The following CCDC102B variants were observed in gnomAD, a reference collection of about 807,000 sequenced individuals.
The protein encoded by CCDC102B is coiled-coil domain containing 102B.
Under a neutral mutation model 57.4 loss-of-function variants are expected in CCDC102B, and 75 were observed. That is an observed-to-expected ratio of 1.31 (90% confidence interval 1.08 to 1.58). CCDC102B has a LOEUF of 1.58. Ranked by LOEUF, CCDC102B falls within the 40% of genes most tolerant of loss-of-function variation. The pLI is 0.00. For missense variants in CCDC102B, 636 were observed against 582.6 expected (o/e 1.09, Z -0.94); for synonymous variants, 206 against 201.9 (o/e 1.02, Z -0.17).
At chr18:68,812,449 A>G (rs1182142968) in intron 1 of CCDC102B, among the ~76,000 whole-genome samples, 1 of 152,318 alleles carries the variant, frequency 6.6e-6, no homozygotes, top group East Asian at 1.9e-4. Flanking sequence ...TATGGTCATT[A>G]TAAAGCAATA....
Position 68,979,085 on chromosome 18 carries a change from T to A in CCDC102B, c.1264-31849T>A, listed in dbSNP as rs771938338. On this transcript the variant is annotated intron_variant, in intron 6 of 7. Coordinates refer to ENST00000360242, the MANE Select transcript of CCDC102B (RefSeq NM_024781.3). The stretch of plus-strand genomic sequence containing the variant: ...GGTGAAGGGAAAGGCTGCAGTATCG[T>A]CTGTGCTGGCAACATTCTGTATTCT... Among the ~76,000 whole-genome samples, 13 of 152,160 alleles carry A rather than the reference T, an allele frequency of 8.5e-5. 1 individual carries two copies. The highest frequency in any genetic ancestry group is 4.1e-4 in the South Asian group (2 of 4,826).
chr18:68,789,494 C>T (rs1365039774), intron 2 of CCDC102B, among the ~76,000 whole-genome samples: 5 of 152,044 alleles, frequency 3.3e-5, no homozygotes, highest in Non-Finnish European at 5.9e-5. Flanking sequence ...GGTCTTTTCA[C>T]ATAGTCCCAT....
intron 4 of CCDC102B, among the ~76,000 whole-genome samples, chr18:68,869,031 G>A (rs1204986604): frequency 6.6e-6 from 1 of 152,110 alleles, no homozygotes. Context: ...AGAAGGAGAA[G>A]TTAAAGATTT....
At position 68,999,167 on chromosome 18, in the gene CCDC102B, G is replaced by GA. The variant is rs1245244936; in HGVS notation, c.1264-11760dup. On this transcript the variant is annotated intron_variant, in intron 6 of 7. Transcript: ENST00000360242. The stretch of plus-strand genomic sequence containing the variant: ...ATGTGAAGGAGCAATCATGGAAAGA[G>GA]AAAAAAACACTGGAGATGGATAAGT... 7.9e-5 allele frequency among the ~76,000 whole-genome samples: 12 copies of GA among 151,820 alleles called. No homozygotes were observed. The East Asian group carries it at 2.1e-3, about 27-fold the overall frequency.
At chr18:68,995,788 G>A (rs1173651311) in intron 6 of CCDC102B, among the ~76,000 whole-genome samples, 1 of 152,140 alleles carries the variant, frequency 6.6e-6, no homozygotes, top group African/African-American at 2.4e-5. Flanking sequence ...TAGTGGAGCT[G>A]TGAGAAGAGG....
At chr18:68,943,957 G>A (rs2049460429) in intron 6 of CCDC102B, among the ~76,000 whole-genome samples, 1 of 152,078 alleles carries the variant, frequency 6.6e-6, no homozygotes, top group Non-Finnish European at 1.5e-5. Flanking sequence ...ACCAGGTATG[G>A]GGCTCTAAAT....
chr18:68,738,993 C>CTTTTTTTTTTTTTTT lies in CCDC102B; in HGVS notation c.-67+22403_-67+22404insTTTTTTTTTTTTTTT, dbSNP rs201214278. Among the ~76,000 whole-genome samples the CTTTTTTTTTTTTTTT allele has an allele frequency of 4.4e-3, 637 of 144,894 alleles. 20 individuals carry two copies. Among genetic ancestry groups the CTTTTTTTTTTTTTTT allele is most frequent in the African/African-American group, 0.016 (599 of 37,868 alleles). On this transcript the variant is annotated intron_variant, in intron 2 of 3. Transcript: ENST00000578970. Reference sequence around the variant, plus strand: ...GGCCATTGGACTGTAGATGAGCAGCCTTTTGTTTTTTTTTTTTTTAGACCA... The same window carrying CTTTTTTTTTTTTTTT: ...GGCCATTGGACTGTAGATGAGCAGCCTTTTTTTTTTTTTTTTTTTGTTTTTTTTTTTTTTAGACCA...
intron 6 of CCDC102B, among the ~76,000 whole-genome samples, chr18:68,920,689 G>T (rs1044721411): frequency 1.3e-5 from 2 of 152,076 alleles, no homozygotes; most frequent in Non-Finnish European, 2.9e-5. Flanking sequence ...AATCATGGAG[G>T]AAGGCAAAGG....
upstream of CCDC102B, among the ~76,000 whole-genome samples, chr18:68,796,692 A>G (rs1329565102): frequency 6.6e-6 from 1 of 152,108 alleles, no homozygotes; most frequent in Non-Finnish European, 1.5e-5. Flanking sequence ...AAAAGAGGTC[A>G]AGAGGAAAAC....
chr18:68,822,929 T>C (rs889758101), intron 1 of CCDC102B, among the ~76,000 whole-genome samples: 19 of 152,116 alleles, frequency 1.2e-4, no homozygotes, highest in African/African-American at 4.6e-4. Flanking sequence ...AAACCTCACC[T>C]CTCTATGCCT....
rs5825872 is a variant in CCDC102B, at chr18:68,748,205, G to GGTGT, written c.-67+31660_-67+31663dup. Among the ~76,000 whole-genome samples the GGTGT allele has an allele frequency of 5.6e-3, 771 of 137,456 alleles. 10 individuals carry two copies. The highest frequency in any genetic ancestry group is 0.011 in the East Asian group (47 of 4,106). The allele number at this position is 137,456 out of a possible 152,430, so 90.2% of individuals were successfully genotyped here. A position where few individuals can be genotyped will look rare whatever the true frequency, so the allele number is the denominator to read the frequency against. On this transcript the variant is annotated intron_variant, in intron 2 of 3. Coordinates refer to the CCDC102B transcript ENST00000578970. ...TAGGTACTTTGTCCATTATTAAACT[G>GGTGT]GTGTGTGTGTGTGTGTGTGTGTGTG...
chr18:68,847,367 C>T (rs1052310098), intron 4 of CCDC102B, among the ~76,000 whole-genome samples: 1 of 151,368 alleles, frequency 6.6e-6, no homozygotes, highest in Non-Finnish European at 1.5e-5. Context: ...ATAATGGGTT[C>T]GAATTTTGAC....
At chr18:68,812,973 C>T (rs1017425545) in intron 1 of CCDC102B, among the ~76,000 whole-genome samples, 4 of 151,438 alleles carry the variant, frequency 2.6e-5, no homozygotes, top group Non-Finnish European at 1.5e-5. Context: ...AAGAGGAGGT[C>T]GGGGAGAGAA....
At chr18:68,883,334 C>G (rs1270907626) in intron 5 of CCDC102B, among the ~76,000 whole-genome samples, 2 of 151,926 alleles carry the variant, frequency 1.3e-5, no homozygotes, top group Non-Finnish European at 2.9e-5. Context: ...TCGCTCAAAC[C>G]CAGGAGGCAG....
At chr18:69,033,719 G>A (rs1162192934) in intron 7 of CCDC102B, among the ~76,000 whole-genome samples, 2 of 149,620 alleles carry the variant, frequency 1.3e-5, no homozygotes, top group Admixed American at 6.7e-5. Context: ...TTTTTCCCTT[G>A]GGATTGTGAA....
At chr18:69,003,709 A>G (rs985879077) in intron 6 of CCDC102B, among the ~76,000 whole-genome samples, 2 of 152,228 alleles carry the variant, frequency 1.3e-5, no homozygotes, top group Non-Finnish European at 2.9e-5. Context: ...GTACATATAT[A>G]TCACTTAAAG....
chr18:68,924,044 C>A (rs2041385758), intron 6 of CCDC102B, among the ~76,000 whole-genome samples: 1 of 152,018 alleles, frequency 6.6e-6, no homozygotes, highest in Non-Finnish European at 1.5e-5. Context: ...ATTAAAGTTT[C>A]TGAACTGCCT....
At chr18:68,969,656 C>CT (rs2050252019) in intron 6 of CCDC102B, among the ~76,000 whole-genome samples, 1 of 151,672 alleles carries the variant, frequency 6.6e-6, no homozygotes, top group African/African-American at 2.4e-5. Context: ...ACAAAATTTA[C>CT]TTTTTAAATA....
chr18:68,778,767 A>G (rs1028711121), intron 2 of CCDC102B, among the ~76,000 whole-genome samples: 1 of 152,018 alleles, frequency 6.6e-6, no homozygotes, highest in African/African-American at 2.4e-5. Flanking sequence ...AGGGCATGGG[A>G]ACTGCTTTGA....
Sources: gnomAD v4.1 joint callset for allele counts (sites outside exome capture counted in the v4.1 genomes callset) on GRCh38, gnomAD v4.1.1 for gene constraint, MANE v1.5 for transcripts, NCBI Gene and HGNC (gene_info 2026-07-23, HGNC 2026-07-21) for gene names.